Variants in FRMD5 observed in about 807,000 individuals in gnomAD.
FRMD5 encodes FERM domain-containing protein 5.
Under a neutral mutation model 69.0 loss-of-function variants are expected in FRMD5, and 20 were observed. The ratio of observed to expected loss-of-function variants is 0.29; its 90% CI spans 0.20 to 0.42. The LOEUF is 0.42. Among genes scored for constraint, FRMD5 ranks in the 10% least tolerant of loss-of-function variants. The probability of loss-of-function intolerance (pLI) is 1.00; values close to 1 mark genes in which losing one functional copy is unlikely to be tolerated. For missense variants in FRMD5, 595 were observed against 708.6 expected, an observed-to-expected ratio of 0.84 and a Z score of 1.82; for synonymous variants, 271 against 260.1, an observed-to-expected ratio of 1.04 and a Z score of -0.40.
At chr15:44,042,966 T>C (rs1892266373) in intron 1 of FRMD5, among the ~76,000 whole-genome samples, 1 of 152,144 alleles carries the variant, frequency 6.6e-6, no homozygotes, top group African/African-American at 2.4e-5. Flanking sequence ...GGTATTCAAT[T>C]AGGAAAAGAG....
intron 1 of FRMD5, among the ~76,000 whole-genome samples, chr15:44,017,354 A>C (rs1891012408): frequency 1.3e-5 from 2 of 151,920 alleles, no homozygotes; most frequent in South Asian, 4.2e-4. Flanking sequence ...AAAAAAACAA[A>C]AACCATGTAC....
chr15:43,981,546 C>T (rs563006819), intron 1 of FRMD5, among the ~76,000 whole-genome samples: 1 of 152,234 alleles, frequency 6.6e-6, no homozygotes, highest in Non-Finnish European at 1.5e-5. Flanking sequence ...TATGGAAATA[C>T]ATTGTAATTT....
intron 1 of FRMD5, among the ~76,000 whole-genome samples, chr15:44,058,836 G>A (rs1595679679): frequency 1.3e-5 from 2 of 151,980 alleles, no homozygotes; most frequent in Non-Finnish European, 2.9e-5. Flanking sequence ...TTTTATTGTG[G>A]GGAATGAACT....
intron 1 of FRMD5, among the ~76,000 whole-genome samples, chr15:44,070,708 C>T (rs1318629459): frequency 6.6e-6 from 1 of 152,134 alleles, no homozygotes; most frequent in East Asian, 1.9e-4. Context: ...CTTATGTAGT[C>T]CAACATTTCC....
intron 1 of FRMD5, among the ~76,000 whole-genome samples, chr15:44,145,085 G>A (rs2077336523): frequency 6.6e-6 from 1 of 152,090 alleles, no homozygotes; most frequent in African/African-American, 2.4e-5. Flanking sequence ...AATCCCAGGG[G>A]GATATATAAA....
chr15:43,874,044 G>A lies in FRMD5; in HGVS notation c.1554C>T (p.Leu518=), dbSNP rs1457277682. The A allele has an allele frequency of 6.2e-7, 1 of 1,614,124 alleles. No homozygotes were observed. The highest frequency in any genetic ancestry group is 1.3e-5 in the African/African-American group (1 of 74,940). Residue 518 remains leucine, a synonymous_variant, in exon 14 of 14, where the codon CTC becomes CTT. Transcript: ENST00000417257. ...GGTCAGACTCGGTAAGGATGATCAG[G>A]AGGAGGAGCAAAACAAAGAGGAGTC... is the stretch of plus-strand genomic sequence containing the variant. ...TMGLLFVLLL[L]LIILTESDLD... is the part of the protein sequence containing the mutation.
intron 1 of FRMD5, among the ~76,000 whole-genome samples, chr15:44,182,398 C>T (rs1339436281): frequency 1.3e-5 from 2 of 149,806 alleles, no homozygotes; most frequent in Non-Finnish European, 3.0e-5. Flanking sequence ...GGTGCGGTCT[C>T]GGCTCACTGC....
intron 1 of FRMD5, chr15:44,063,936 C>T (rs1010462916): frequency 2.7e-5 from 7 of 255,224 alleles, no homozygotes; most frequent in Non-Finnish European, 3.1e-5. Flanking sequence ...AGTACAAAAA[C>T]GGCCTCAAGA....
chr15:44,020,136 C>CT (rs955299163), intron 1 of FRMD5, among the ~76,000 whole-genome samples: 31 of 149,434 alleles, frequency 2.1e-4, no homozygotes, highest in African/African-American at 5.4e-4. Flanking sequence ...CATATCATAT[C>CT]TTTTTTTTTT....
intron 5 of FRMD5, among the ~76,000 whole-genome samples, chr15:43,908,229 G>A (rs2089216512): frequency 1.3e-5 from 2 of 151,574 alleles, no homozygotes; most frequent in Non-Finnish European, 2.9e-5. Context: ...TTGGGAGGCT[G>A]AGGTGGGAGG....
intron 1 of FRMD5, among the ~76,000 whole-genome samples, chr15:44,097,262 G>A (rs913923223): frequency 3.9e-5 from 6 of 152,116 alleles, no homozygotes; most frequent in Non-Finnish European, 8.8e-5. Flanking sequence ...TAAACCTAAG[G>A]GGAGAAAAAA....
chr15:44,023,281 G>A (rs1891292405), intron 1 of FRMD5, among the ~76,000 whole-genome samples: 1 of 152,150 alleles, frequency 6.6e-6, no homozygotes, highest in Non-Finnish European at 1.5e-5. Context: ...TCTGGAGGTT[G>A]TTACAGGAAT....
intron 1 of FRMD5, among the ~76,000 whole-genome samples, chr15:43,966,756 G>T (rs1340147318): frequency 6.6e-6 from 1 of 152,198 alleles, no homozygotes; most frequent in East Asian, 1.9e-4. Context: ...GCAGGTTAGA[G>T]ACCAAGCACT....
intron 8 of FRMD5, among the ~76,000 whole-genome samples, chr15:43,891,630 A>G (rs888748073): frequency 6.6e-6 from 1 of 152,162 alleles, no homozygotes; most frequent in African/African-American, 2.4e-5. Flanking sequence ...AGCCGGCTCA[A>G]CAGGGCTAAC....
chr15:43,884,314 AAC>A (rs953154651), intron 12 of FRMD5, among the ~76,000 whole-genome samples: 1 of 152,200 alleles, frequency 6.6e-6, no homozygotes, highest in African/African-American at 2.4e-5. Flanking sequence ...GGCTTCTGGA[AAC>A]ACAATTTGTG....
At chr15:44,137,288 C>T (rs545669697) in intron 1 of FRMD5, among the ~76,000 whole-genome samples, 1 of 152,326 alleles carries the variant, frequency 6.6e-6, no homozygotes, top group African/African-American at 2.4e-5. Flanking sequence ...TTGCTGTCTC[C>T]AAGAACATAC....
intron 1 of FRMD5, among the ~76,000 whole-genome samples, chr15:44,009,315 G>T (rs891653954): frequency 1.3e-4 from 20 of 152,160 alleles, no homozygotes; most frequent in African/African-American, 4.3e-4. Context: ...AACATGGCTG[G>T]GGGGAACCTT....
At chr15:44,081,300 T>G (rs1213217350) in intron 1 of FRMD5, among the ~76,000 whole-genome samples, 1 of 152,154 alleles carries the variant, frequency 6.6e-6, no homozygotes, top group African/African-American at 2.4e-5. Flanking sequence ...TTTTCTCTCC[T>G]TTAATTTTCT....
rs140012555 is a variant in FRMD5 at position 44,008,669 on chromosome 15, G to C, written c.103-84360C>G. On this transcript the variant is annotated intron_variant, in intron 1 of 13. Transcript: ENST00000417257. ...TAATACTTGCATCAGATTTTCAAAGGATTCTCTGACCTAAAATAAGTTAAG... is the reference window on the plus strand; with the variant it reads ...TAATACTTGCATCAGATTTTCAAAGCATTCTCTGACCTAAAATAAGTTAAG... Among the ~76,000 whole-genome samples the C allele has an allele frequency of 4.9e-3, 742 of 152,198 alleles. 12 individuals are homozygous for C. The highest frequency in any genetic ancestry group is 0.017 in the African/African-American group (711 of 41,510).
Sources: gnomAD v4.1 joint callset for allele counts (sites outside exome capture counted in the v4.1 genomes callset) on GRCh38, gnomAD v4.1.1 for gene constraint, MANE v1.5 for transcripts, NCBI Gene and HGNC (gene_info 2026-07-23, HGNC 2026-07-21) for gene names.